Variants in CNTNAP2 observed in about 807,000 individuals in gnomAD.
CNTNAP2 encodes contactin associated protein 2.
Under a neutral mutation model 155.2 loss-of-function variants are expected in CNTNAP2, and 98 were observed. The observed-to-expected ratio is 0.63, with a 90% CI of 0.54 to 0.75. The LOEUF (loss-of-function observed/expected upper bound fraction) is 0.75, where lower values mean the gene tolerates loss of function less well. Ranked by LOEUF, CNTNAP2 falls within the 30% of genes least tolerant of loss-of-function variation. CNTNAP2 has a pLI of 0.00. For missense variants in CNTNAP2, 1,727 were observed against 1,688.1 expected, an observed-to-expected ratio of 1.02 and a Z score of -0.40; for synonymous variants, 651 against 631.2, an observed-to-expected ratio of 1.03 and a Z score of -0.47.
intron 15 of CNTNAP2, among the ~76,000 whole-genome samples, chr7:147,988,995 G>A (rs1167337384): frequency 6.6e-6 from 1 of 152,214 alleles, no homozygotes; most frequent in Admixed American, 6.5e-5. Flanking sequence ...ATGTTTCAGT[G>A]AGGGTGAAAA....
intron 18 of CNTNAP2, among the ~76,000 whole-genome samples, chr7:148,202,220 G>A (rs1004762658): frequency 5.9e-5 from 9 of 152,170 alleles, no homozygotes; most frequent in Non-Finnish European, 1.2e-4. Context: ...ACAGGTCAGA[G>A]AGCAAACCTG....
At chr7:148,331,076 G>T (rs1439308054) in intron 21 of CNTNAP2, among the ~76,000 whole-genome samples, 1 of 150,356 alleles carries the variant, frequency 6.7e-6, no homozygotes, top group East Asian at 2.0e-4. Context: ...TGGATGGATG[G>T]ATAGATGGAG....
chr7:147,966,838 A>G (rs1013786742), intron 14 of CNTNAP2, among the ~76,000 whole-genome samples: 2 of 152,152 alleles, frequency 1.3e-5, no homozygotes, highest in African/African-American at 4.8e-5. Context: ...GGGGCCATCA[A>G]GGCAAGAGTG....
intron 10 of CNTNAP2, among the ~76,000 whole-genome samples, chr7:147,473,632 C>T (rs1429217307): frequency 1.3e-5 from 2 of 152,158 alleles, no homozygotes; most frequent in African/African-American, 4.8e-5. Context: ...CTCAGGTCCT[C>T]TCCAAGGAAA....
chr7:147,290,549 G>A (rs370883307), intron 8 of CNTNAP2, among the ~76,000 whole-genome samples: 1 of 151,972 alleles, frequency 6.6e-6, no homozygotes, highest in South Asian at 2.1e-4. Flanking sequence ...CGAGCGTGGT[G>A]GCTTGTGCCT....
chr7:147,669,578 T>C (rs1563046355), intron 13 of CNTNAP2, among the ~76,000 whole-genome samples: 1 of 152,198 alleles, frequency 6.6e-6, no homozygotes, highest in South Asian at 2.1e-4. Flanking sequence ...ATTTAGGTCA[T>C]TGTGACACTA....
At chr7:147,766,312 ATATAT>A (rs1797382969) in intron 13 of CNTNAP2, among the ~76,000 whole-genome samples, 1 of 152,204 alleles carries the variant, frequency 6.6e-6, no homozygotes, top group South Asian at 2.1e-4. Flanking sequence ...GACTTTTAAA[ATATAT>A]TCTATTATGA....
At position 147,252,098 on chromosome 7, in the gene CNTNAP2, A is replaced by G. The variant is rs953096670; in HGVS notation, c.1349-48043A>G. ...TAAGCCCACATTATGTTTTATTTCA[A>G]ACGTGCTGTTGGATGAAAAGTTGCT... is the stretch of plus-strand genomic sequence containing the variant. On this transcript the variant is annotated intron_variant, in intron 8 of 23. Transcript: ENST00000361727. Among the ~76,000 whole-genome samples, 6 of 152,208 alleles carry G rather than the reference A, an allele frequency of 3.9e-5. No individual in the cohort carries two copies. In the South Asian group the frequency reaches 1.0e-3, roughly 26 times the overall value.
At chr7:148,379,838 C>G (rs538893098) in intron 21 of CNTNAP2, among the ~76,000 whole-genome samples, 3 of 152,348 alleles carry the variant, frequency 2.0e-5, no homozygotes, top group Admixed American at 2.0e-4. Context: ...GCTTTATTCT[C>G]CCAGTGTTTC....
At chr7:146,417,212 A>C (rs992740102) in intron 1 of CNTNAP2, among the ~76,000 whole-genome samples, 11 of 152,172 alleles carry the variant, frequency 7.2e-5, no homozygotes, top group Non-Finnish European at 1.5e-4. Context: ...ATCTGTATAA[A>C]GAGCTCTGTA....
At chr7:147,949,577 C>T (rs1182601315) in intron 14 of CNTNAP2, among the ~76,000 whole-genome samples, 1 of 151,888 alleles carries the variant, frequency 6.6e-6, no homozygotes, top group East Asian at 1.9e-4. Context: ...ACAGCCCAGG[C>T]TAGTTGGTTG....
At chr7:148,307,929 C>T (rs1481382418) in intron 21 of CNTNAP2, among the ~76,000 whole-genome samples, 2 of 152,146 alleles carry the variant, frequency 1.3e-5, no homozygotes, top group African/African-American at 2.4e-5. Context: ...GCTGAGATCA[C>T]ACCACTGCAC....
At chr7:146,969,630 CA>C in intron 3 of CNTNAP2, among the ~76,000 whole-genome samples, 1 of 135,656 alleles carries the variant, frequency 7.4e-6, no homozygotes, top group African/African-American at 2.6e-5. Flanking sequence ...ACTAGGATTG[CA>C]ACCCCTGCCT....
At chr7:148,126,557 A>C (rs1804720262) in intron 16 of CNTNAP2, among the ~76,000 whole-genome samples, 1 of 152,218 alleles carries the variant, frequency 6.6e-6, no homozygotes, top group South Asian at 2.1e-4. Context: ...ATGAAAATTG[A>C]AATGGAATTT....
chr7:147,610,407 G>A (rs1197735904), intron 12 of CNTNAP2, among the ~76,000 whole-genome samples: 1 of 151,898 alleles, frequency 6.6e-6, no homozygotes, highest in East Asian at 2.0e-4. Context: ...AGTTCCTTTT[G>A]AAGGATCCTT....
intron 8 of CNTNAP2, among the ~76,000 whole-genome samples, chr7:147,219,942 ATTTTTTT>A (rs34947567): frequency 1.6e-4 from 20 of 123,016 alleles, no homozygotes; most frequent in African/African-American, 5.2e-4. Flanking sequence ...CGCCCAGCTA[ATTTTTTT>A]TTTTTTTTTT....
At chr7:146,304,847 A>T (rs527505780) in intron 1 of CNTNAP2, among the ~76,000 whole-genome samples, 2 of 152,016 alleles carry the variant, frequency 1.3e-5, no homozygotes, top group Non-Finnish European at 2.9e-5. Flanking sequence ...GTTCCCCTGG[A>T]TAATATCCTG....
intron 1 of CNTNAP2, among the ~76,000 whole-genome samples, chr7:146,490,190 A>G (rs958424212): frequency 5.3e-5 from 8 of 152,174 alleles, no homozygotes; most frequent in African/African-American, 1.2e-4. Context: ...TTCAATAATC[A>G]TTTGTTGTTT....
At chr7:148,127,845 G>T (rs1433106684) in intron 16 of CNTNAP2, among the ~76,000 whole-genome samples, 1 of 152,106 alleles carries the variant, frequency 6.6e-6, no homozygotes, top group East Asian at 1.9e-4. Context: ...CAAATCAGGT[G>T]TTAGCACCTG....
Sources: allele counts gnomAD v4.1 joint callset (sites outside exome capture counted in the v4.1 genomes callset), GRCh38; gene constraint gnomAD v4.1.1; transcripts MANE v1.5; gene names NCBI Gene and HGNC (gene_info 2026-07-23, HGNC 2026-07-21).